Variants in B3GALT1 observed in about 807,000 individuals in gnomAD.
B3GALT1 encodes beta-1,3-galactosyltransferase 1, also known as UDP-Gal:betaGlcNAc beta 1,3-galactosyltransferase, polypeptide 1.
In B3GALT1, 10 loss-of-function variants were observed where a neutral mutation model predicts 23.2. The ratio of observed to expected loss-of-function variants is 0.43; its 90% CI spans 0.27 to 0.73. The LOEUF (loss-of-function observed/expected upper bound fraction) is 0.73, where lower values mean the gene tolerates loss of function less well. Ranked by LOEUF, B3GALT1 falls within the 30% of genes least tolerant of loss-of-function variation. The pLI is 0.21. For synonymous variants in B3GALT1, 156 were observed against 141.5 expected (o/e 1.10, Z -0.73); for missense variants, 299 against 405.4 (o/e 0.74, Z 2.25).
At chr2:167,360,203 T>C (rs1023997648) in intron 1 of B3GALT1, among the ~76,000 whole-genome samples, 2 of 152,218 alleles carry the variant, frequency 1.3e-5, no homozygotes, top group African/African-American at 4.8e-5. Flanking sequence ...TTTGCATTTT[T>C]ATATACATAT....
chr2:167,655,027 A>T (rs1423201171), intron 3 of B3GALT1, among the ~76,000 whole-genome samples: 1 of 152,140 alleles, frequency 6.6e-6, no homozygotes, highest in South Asian at 2.1e-4. Flanking sequence ...CTGTAACAAA[A>T]TTCCATCATA....
Position 167,846,213 on chromosome 2 carries a change from C to T in B3GALT1, c.-229-22598C>T, listed in dbSNP as rs1416392324. On this transcript the variant is annotated intron_variant, in intron 4 of 4. Transcript: ENST00000392690. Reference sequence around the variant, plus strand: ...AATCGAGGAAAACTTCCCTGCCTTGCTAGAGACCTAGACACCCAAATACAA... The same window carrying T: ...AATCGAGGAAAACTTCCCTGCCTTGTTAGAGACCTAGACACCCAAATACAA... Among the ~76,000 whole-genome samples the T allele has an allele frequency of 2.0e-5, 3 of 152,146 alleles. No individual in the cohort carries two copies. In the East Asian group the frequency reaches 5.8e-4, roughly 29 times the overall value.
At chr2:167,661,551 C>T (rs1402865176) in intron 3 of B3GALT1, among the ~76,000 whole-genome samples, 1 of 152,080 alleles carries the variant, frequency 6.6e-6, no homozygotes, top group East Asian at 1.9e-4. Context: ...GTCCTGTGCA[C>T]TGTGGGTGTT....
chr2:167,757,789 G>T (rs1212447831), intron 3 of B3GALT1, among the ~76,000 whole-genome samples: 2 of 152,042 alleles, frequency 1.3e-5, no homozygotes, highest in African/African-American at 4.8e-5. Flanking sequence ...GACATCTGGG[G>T]TGCACCTTAT....
rs1193049226 is a variant in B3GALT1 at position 167,869,032 on chromosome 2, T to C, written c.-8T>C. On this transcript the variant is annotated 5_prime_UTR_variant, in exon 5 of 5. Coordinates refer to ENST00000392690, the MANE Select transcript of B3GALT1 (RefSeq NM_020981.4). This position sits in a 1 kb window ranked among gnomAD's most constrained non-coding sequence, Gnocchi z 6.4. ...TTCAATATTTGGAATAGACGTGTTC[T>C]CAAGACAATGGCTTCAAAGGTCTCC... 6.3e-7 allele frequency: 1 copy of C among 1,591,970 alleles called. No individual in the cohort carries two copies. Among genetic ancestry groups the C allele is most frequent in the Non-Finnish European group, 8.6e-7 (1 of 1,169,310 alleles).
chr2:167,406,265 A>G (rs1698273811), intron 1 of B3GALT1, among the ~76,000 whole-genome samples: 1 of 152,156 alleles, frequency 6.6e-6, no homozygotes, highest in Non-Finnish European at 1.5e-5. Context: ...TAATCAGAAT[A>G]TAAAAAGCAC....
chr2:167,567,485 T>C (rs1488107302), intron 2 of B3GALT1, among the ~76,000 whole-genome samples: 1 of 152,200 alleles, frequency 6.6e-6, no homozygotes, highest in Non-Finnish European at 1.5e-5. Context: ...GTGACAGTGA[T>C]GTTTAAATTG....
intron 1 of B3GALT1, among the ~76,000 whole-genome samples, chr2:167,295,629 A>G (rs932080007): frequency 6.6e-6 from 1 of 152,242 alleles, no homozygotes; most frequent in Non-Finnish European, 1.5e-5. Flanking sequence ...GAAAATTTTA[A>G]CGACTTGGCT....
intron 1 of B3GALT1, among the ~76,000 whole-genome samples, chr2:167,300,927 A>T (rs930156801): frequency 6.6e-6 from 1 of 152,230 alleles, no homozygotes; most frequent in Non-Finnish European, 1.5e-5. Context: ...TACATTCAAC[A>T]TCAGTGTCTT....
At chr2:167,858,287 T>C (rs1280364545) in intron 4 of B3GALT1, among the ~76,000 whole-genome samples, 1 of 149,746 alleles carries the variant, frequency 6.7e-6, no homozygotes, top group Non-Finnish European at 1.5e-5. Context: ...AAGCTTCTTA[T>C]GAAAACGGTC....
chr2:167,550,836 A>G (rs1016871190), intron 2 of B3GALT1, among the ~76,000 whole-genome samples: 1 of 152,194 alleles, frequency 6.6e-6, no homozygotes, highest in African/African-American at 2.4e-5. Context: ...ACGTGCATTA[A>G]GTAGGGTAGG....
At chr2:167,680,555 A>G (rs762133294) in intron 3 of B3GALT1, among the ~76,000 whole-genome samples, 2 of 152,098 alleles carry the variant, frequency 1.3e-5, no homozygotes, top group African/African-American at 2.4e-5. Context: ...TATTCCCTCT[A>G]TTTTTATCCT....
At chr2:167,328,674 G>A (rs140528515) in intron 1 of B3GALT1, among the ~76,000 whole-genome samples, 2 of 151,886 alleles carry the variant, frequency 1.3e-5, no homozygotes, top group East Asian at 1.9e-4. Flanking sequence ...TTGATCGTTT[G>A]TAATTTTCTT....
At chr2:167,449,078 G>A (rs1470567529) in intron 1 of B3GALT1, among the ~76,000 whole-genome samples, 1 of 151,976 alleles carries the variant, frequency 6.6e-6, no homozygotes, top group Non-Finnish European at 1.5e-5. Context: ...TTGGTTCTGA[G>A]GGCTATTTTT....
chr2:167,634,856 G>A (rs1224715330), intron 2 of B3GALT1, among the ~76,000 whole-genome samples: 1 of 151,868 alleles, frequency 6.6e-6, no homozygotes, highest in Non-Finnish European at 1.5e-5. Flanking sequence ...ATTTTATGAG[G>A]CCAGCATCCT....
At chr2:167,537,567 T>C (rs1235771273) in intron 2 of B3GALT1, among the ~76,000 whole-genome samples, 4 of 152,112 alleles carry the variant, frequency 2.6e-5, no homozygotes, top group African/African-American at 9.7e-5. Flanking sequence ...ATAATCCACG[T>C]AGATGCTGAA....
intron 4 of B3GALT1, among the ~76,000 whole-genome samples, chr2:167,824,866 T>C (rs1279975829): frequency 6.6e-6 from 1 of 152,190 alleles, no homozygotes; most frequent in African/African-American, 2.4e-5. Context: ...TGCATTCAGA[T>C]GCCCTTCAGA....
At chr2:167,585,215 T>C (rs1217581030) in intron 2 of B3GALT1, among the ~76,000 whole-genome samples, 1 of 152,172 alleles carries the variant, frequency 6.6e-6, no homozygotes, top group Admixed American at 6.5e-5. Context: ...CACAGTAAGC[T>C]AAAAGGCTAA....
rs923058205 is a variant in B3GALT1 at position 167,873,674 on chromosome 2, T to C, written c.*3654T>C. 2.6e-5 allele frequency: 4 copies of C among 152,350 alleles called. No homozygotes were observed. The highest frequency in any genetic ancestry group is 4.4e-5 in the Non-Finnish European group (3 of 68,036). The allele number at this position is 152,350 out of a possible 1,614,324, so 9.4% of individuals were successfully genotyped here. A position where few individuals can be genotyped will look rare whatever the true frequency, so the allele number is the denominator to read the frequency against. ...CTAGAACAACGCTTGTTGATGATAA[T>C]TGACATTTAGGTATAACGTCATATA... On this transcript the variant is annotated 3_prime_UTR_variant, in exon 5 of 5. Transcript: ENST00000392690.
Sources: allele counts gnomAD v4.1 joint callset (sites outside exome capture counted in the v4.1 genomes callset), GRCh38; gene constraint gnomAD v4.1.1; non-coding constraint Gnocchi (gnomAD v3.1); transcripts MANE v1.5; gene names NCBI Gene and HGNC (gene_info 2026-07-23, HGNC 2026-07-21).